The following SEMA3D variants were observed in gnomAD, a reference collection of about 807,000 sequenced individuals.
SEMA3D encodes semaphorin 3D.
A neutral mutation model predicts 100.1 loss-of-function variants in SEMA3D; 84 were observed. That is an observed-to-expected ratio of 0.84 (90% CI 0.70 to 1.01). The LOEUF (loss-of-function observed/expected upper bound fraction) is 1.01. SEMA3D is among the 50% of genes least tolerant of loss of function. The pLI, the probability that SEMA3D is intolerant of heterozygous loss-of-function variation, is 0.00. For missense variants in SEMA3D, 875 were observed against 934.1 expected (o/e 0.94, Z 0.82); for synonymous variants, 312 against 320.7 (o/e 0.97, Z 0.29).
intron 18 of SEMA3D, among the ~76,000 whole-genome samples, chr7:85,005,778 C>T (rs575443374): frequency 2.6e-5 from 4 of 152,086 alleles, no homozygotes; most frequent in South Asian, 4.1e-4. Flanking sequence ...GCCACCCACC[C>T]ACCCAGCTGT....
chr7:85,069,818 C>T lies in SEMA3D; in HGVS notation c.496-1534G>A, dbSNP rs1294421044. On this transcript the variant is annotated intron_variant, in intron 6 of 18. Transcript: ENST00000284136. ...AGGGGAGGTCCCAGAGGAAATGATA[C>T]CAAGCCAAGCATTAAACAGCTTTCA... is the stretch of plus-strand genomic sequence containing the variant. 2.6e-5 allele frequency among the ~76,000 whole-genome samples: 4 copies of T among 152,240 alleles called. No individual in the cohort carries two copies. The East Asian group carries it at 7.7e-4, about 29-fold the overall frequency.
At chr7:85,222,157 T>C in the SEMA3D span, among the ~76,000 whole-genome samples, 2 of 152,156 alleles carry the variant, frequency 1.3e-5, no homozygotes, top group Non-Finnish European at 2.9e-5. Context: ...CAAACTTATT[T>C]TGCTACCATT....
At chr7:85,244,625 G>A in the SEMA3D span, among the ~76,000 whole-genome samples, 3 of 151,968 alleles carry the variant, frequency 2.0e-5, no homozygotes, top group Non-Finnish European at 2.9e-5. Flanking sequence ...ATAATGACAG[G>A]AGTTAGAGGG....
the SEMA3D span, among the ~76,000 whole-genome samples, chr7:85,204,754 T>C: frequency 2.6e-5 from 4 of 152,220 alleles, no homozygotes; most frequent in East Asian, 7.7e-4. Flanking sequence ...TTTCTTCCTC[T>C]AGCCTTAGGA....
intron 3 of SEMA3D, among the ~76,000 whole-genome samples, chr7:85,109,438 C>G (rs1211817530): frequency 6.6e-6 from 1 of 151,936 alleles, no homozygotes; most frequent in Non-Finnish European, 1.5e-5. Flanking sequence ...AGGTTCACTT[C>G]TATTGCTTCT....
At chr7:85,058,604 T>G (rs952571359) in intron 8 of SEMA3D, among the ~76,000 whole-genome samples, 4 of 151,460 alleles carry the variant, frequency 2.6e-5, no homozygotes, top group African/African-American at 9.7e-5. Flanking sequence ...AAAAATTAGC[T>G]GGGCGTGGTG....
chr7:85,146,154 G>A (rs1020854944), intron 2 of SEMA3D, among the ~76,000 whole-genome samples: 5 of 151,968 alleles, frequency 3.3e-5, no homozygotes, highest in South Asian at 4.1e-4. Context: ...TTATCCAATC[G>A]ACTTTATATT....
intron 7 of SEMA3D, among the ~76,000 whole-genome samples, chr7:85,066,887 T>A (rs1791635706): frequency 9.1e-6 from 1 of 109,556 alleles, no homozygotes; most frequent in Admixed American, 8.3e-5. Context: ...AAAGGAAATG[T>A]GCGCTCACAC....
the SEMA3D span, among the ~76,000 whole-genome samples, chr7:85,228,746 A>C: frequency 6.6e-6 from 1 of 152,008 alleles, no homozygotes; most frequent in African/African-American, 2.4e-5. Flanking sequence ...TTGTGATTTC[A>C]TTGCTCATGA....
chr7:85,099,421 C>T (rs1788676199), intron 3 of SEMA3D, among the ~76,000 whole-genome samples: 1 of 151,932 alleles, frequency 6.6e-6, no homozygotes, highest in South Asian at 2.1e-4. Context: ...TGCGAGGCCT[C>T]AGCCATGTGG....
chr7:85,051,104 C>A (rs1423668404), intron 9 of SEMA3D, among the ~76,000 whole-genome samples: 1 of 151,838 alleles, frequency 6.6e-6, no homozygotes, highest in Non-Finnish European at 1.5e-5. Context: ...TTGGCACCTT[C>A]CTCAGTTATC....
chr7:85,045,746 T>C (rs1478135607), intron 9 of SEMA3D, among the ~76,000 whole-genome samples: 1 of 151,924 alleles, frequency 6.6e-6, no homozygotes, highest in South Asian at 2.1e-4. Flanking sequence ...AGAAGATGTA[T>C]ATCTGGAATT....
In SEMA3D at chr7:85,124,014, C is replaced by T. The variant is rs563590400; in HGVS notation, c.-40-2083G>A. 3.7e-3 allele frequency among the ~76,000 whole-genome samples: 568 copies of T among 152,004 alleles called. 4 individuals carry two copies. Among genetic ancestry groups the T allele is most frequent in the African/African-American group, 0.013 (557 of 41,498 alleles). On this transcript the variant is annotated intron_variant, in intron 2 of 18. Transcript: ENST00000284136. ...TTTAGTTTTAAAAACTTCAATTATG[C>T]TAATTTTAATATATAACACTAATAA... is the stretch of plus-strand genomic sequence containing the variant.
At chr7:85,076,051 C>T (rs142555280) in intron 5 of SEMA3D, among the ~76,000 whole-genome samples, 1 of 152,304 alleles carries the variant, frequency 6.6e-6, no homozygotes, top group African/African-American at 2.4e-5. Context: ...AGAAAGATAA[C>T]TTTGAGAAGC....
intron 12 of SEMA3D, among the ~76,000 whole-genome samples, chr7:85,027,351 A>C (rs1431204927): frequency 6.6e-6 from 1 of 152,024 alleles, no homozygotes; most frequent in Admixed American, 6.6e-5. Flanking sequence ...ATCTTATAGC[A>C]AAAAGGGGGA....
At chr7:85,068,134 A>C in intron 7 of SEMA3D, 57 bp downstream of exon 7, 1 of 1,022,236 alleles carries the variant, frequency 9.8e-7, no homozygotes, top group South Asian at 1.3e-5. Flanking sequence ...CGGTTCAGTC[A>C]AAAAATAACT....
At position 85,171,773 on chromosome 7, in the gene SEMA3D, A is replaced by G. The variant is rs548708569; in HGVS notation, c.-173+14905T>C. 5.3e-5 allele frequency among the ~76,000 whole-genome samples: 8 copies of G among 152,182 alleles called. No individual in the cohort carries two copies. In the South Asian group the frequency reaches 1.5e-3, roughly 28 times the overall value. ...CGTATTCACTAAAGTAATAAATAAAATTACATAAGGAATGAGTGAATTTAT... is the reference window on the plus strand; with the variant it reads ...CGTATTCACTAAAGTAATAAATAAAGTTACATAAGGAATGAGTGAATTTAT... On this transcript the variant is annotated intron_variant, in intron 1 of 18. Transcript: ENST00000284136.
At chr7:85,038,140 A>G (rs1047184357) in intron 11 of SEMA3D, among the ~76,000 whole-genome samples, 5 of 152,152 alleles carry the variant, frequency 3.3e-5, no homozygotes, top group African/African-American at 1.2e-4. Flanking sequence ...TGGCACATGT[A>G]TACGTATGTA....
chr7:85,129,439 G>A (rs920923295), intron 2 of SEMA3D, among the ~76,000 whole-genome samples: 20 of 151,958 alleles, frequency 1.3e-4, no homozygotes, highest in Admixed American at 1.3e-3. Context: ...TATGTCAAAG[G>A]AGGAAAAATT....
Sources: allele counts gnomAD v4.1 joint callset (sites outside exome capture counted in the v4.1 genomes callset), GRCh38; gene constraint gnomAD v4.1.1; transcripts MANE v1.5; gene names NCBI Gene and HGNC (gene_info 2026-07-23, HGNC 2026-07-21).